DTX2: variants seen among roughly 807,000 people sequenced by gnomAD.
The protein encoded by DTX2 is deltex E3 ubiquitin ligase 2, also known as probable E3 ubiquitin-protein ligase DTX2.
DTX2 carries 29 observed loss-of-function variants against 55.3 expected under a neutral mutation model. That is an observed-to-expected ratio of 0.52 (90% confidence interval 0.39 to 0.71). DTX2 has a LOEUF of 0.71. Among genes scored for constraint, DTX2 ranks in the 30% least tolerant of loss-of-function variants. The probability of loss-of-function intolerance (pLI) is 0.00; values close to 1 mark genes in which losing one functional copy is unlikely to be tolerated. For synonymous variants in DTX2, 276 were observed against 340.4 expected (o/e 0.81, Z 2.08); for missense variants, 537 against 822.5 (o/e 0.65, Z 4.25).
At position 76,482,988 on chromosome 7, in the gene DTX2, C is replaced by A; in HGVS notation, c.749C>A (p.Pro250His). The A allele has an allele frequency of 6.2e-7, 1 of 1,613,624 alleles. No homozygotes were observed. Among genetic ancestry groups the A allele is most frequent in the Non-Finnish European group, 8.5e-7 (1 of 1,179,692 alleles). The change falls in exon 4 of 11, where the codon CCC (proline) becomes CAC (histidine). Residue 250 changes from proline to histidine, a missense_variant. By Grantham distance (77) the Pro-to-His change is moderately conservative (BLOSUM62 -2). This residue lies in a region of DTX2 where 301 missense variants were observed against 396.6 expected (regional missense o/e 0.76). Transcript: ENST00000430490. ...CAGGCCTTTGCACCGTACAACAAAC[C>A]CTCACTCTCCGGGGCCCGGTCTGCG... ...THQAFAPYNK[P>H]SLSGARSAPR...
At chr7:76,493,791 T>G in intron 5 of DTX2, among the ~76,000 whole-genome samples, 1 of 126,300 alleles carries the variant, frequency 7.9e-6, no homozygotes. Flanking sequence ...TTCAGAGGCA[T>G]GAGCCGTCAG....
chr7:76,484,274 G>C (rs1266988856), intron 4 of DTX2, among the ~76,000 whole-genome samples: 4 of 107,202 alleles, frequency 3.7e-5, no homozygotes, highest in Non-Finnish European at 5.7e-5. Flanking sequence ...AACCCAGGAG[G>C]TGGAGGTTGC....
chr7:76,480,751 G>A lies in DTX2; in HGVS notation c.242G>A (p.Ser81Asn), dbSNP rs1202831727. The A allele has an allele frequency of 1.2e-6, 2 of 1,609,402 alleles. No individual in the cohort carries two copies. Among genetic ancestry groups the A allele is most frequent in the East Asian group, 2.2e-5 (1 of 44,774 alleles). Reference sequence around the variant, plus strand: ...GCCCCTTACATTATTGACCTCCCCAGCTGGACCCAGTTCCGCCAGGACACC... The same window carrying A: ...GCCCCTTACATTATTGACCTCCCCAACTGGACCCAGTTCCGCCAGGACACC... The part of the protein sequence containing the change: ...SLAPYIIDLP[S>N]WTQFRQDTGT... The change falls in exon 3 of 11, where the codon AGC (serine) becomes AAC (asparagine). Residue 81 changes from serine to asparagine, a missense_variant. Coordinates refer to ENST00000430490, the MANE Select transcript of DTX2 (RefSeq NM_001102594.3).
chr7:76,480,996 T>C (rs555442385), intron 3 of DTX2, among the ~76,000 whole-genome samples: 1 of 152,286 alleles, frequency 6.6e-6, no homozygotes, highest in African/African-American at 2.4e-5. Context: ...CCCCTTGTCT[T>C]GCAAAGCAGA....
At position 76,505,785 on chromosome 7, in the gene DTX2, C is replaced by T. The variant is rs1242756180; in HGVS notation, c.*184C>T. The T allele has an allele frequency of 1.5e-6, 1 of 663,038 alleles. No homozygotes were observed. The highest frequency in any genetic ancestry group is 2.6e-6 in the Non-Finnish European group (1 of 387,276). 41.1% of individuals were successfully genotyped at this position (663,038 alleles called of 1,614,324 possible). A position where few individuals can be genotyped will look rare whatever the true frequency, so the allele number is the denominator to read the frequency against. On this transcript the variant is annotated 3_prime_UTR_variant, in exon 11 of 11. Coordinates refer to ENST00000430490, the MANE Select transcript of DTX2 (RefSeq NM_001102594.3). This position sits in a 1 kb window ranked among gnomAD's most constrained non-coding sequence, Gnocchi z 4.4. ...CTCCTCCTCCCCTCTGGGAATTGGG[C>T]AGCCCTGGGCAGTTGTACTCATGGG...
At chr7:76,473,194 T>A (rs1361916663) in intron 2 of DTX2, among the ~76,000 whole-genome samples, 2 of 151,934 alleles carry the variant, frequency 1.3e-5, no homozygotes, top group Non-Finnish European at 2.9e-5. Flanking sequence ...CTTTGATATG[T>A]TTGTGTCAGG....
At chr7:76,483,220 T>G (rs1809522044) in intron 4 of DTX2, 73 bp downstream of exon 4, 1 of 1,530,970 alleles carries the variant, frequency 6.5e-7, no homozygotes. Context: ...TCACCCCAAT[T>G]CCTGCAGATG....
chr7:76,480,189 C>T (rs1464967083), intron 2 of DTX2, among the ~76,000 whole-genome samples: 2 of 144,970 alleles, frequency 1.4e-5, no homozygotes, highest in African/African-American at 5.3e-5. Context: ...CCTATTGTCC[C>T]AGCTGCTCTG....
At chr7:76,497,789 G>A (rs927749049) in intron 6 of DTX2, among the ~76,000 whole-genome samples, 2 of 150,588 alleles carry the variant, frequency 1.3e-5, no homozygotes, top group Admixed American at 6.6e-5. Flanking sequence ...CTCAGGATGC[G>A]GGGACAACCG....
chr7:76,476,773 GGC>G (rs1808590447), intron 2 of DTX2, among the ~76,000 whole-genome samples: 1 of 151,586 alleles, frequency 6.6e-6, no homozygotes, highest in Admixed American at 6.6e-5. Context: ...AAAGGTGGCG[GGC>G]TTGGTGTGAG....
chr7:76,502,365 C>T lies in DTX2; in HGVS notation c.1298C>T (p.Ala433Val). 6.2e-7 allele frequency: 1 copy of T among 1,612,380 alleles called. No individual in the cohort carries two copies. The highest frequency in any genetic ancestry group is 8.5e-7 in the Non-Finnish European group (1 of 1,179,810). Residue 433 changes from alanine to valine, a missense_variant, in exon 8 of 11, where the codon GCA (alanine) becomes GTA (valine). By Grantham distance (64) the Ala-to-Val change is moderately conservative. Transcript: ENST00000430490. ...TACAGCGATGTGACTGACAGCAAGGCAATCGGGTCCCTAGCTGTGGGCCAC... is the reference window on the plus strand; with the variant it reads ...TACAGCGATGTGACTGACAGCAAGGTAATCGGGTCCCTAGCTGTGGGCCAC... ...SGYSDVTDSK[A>V]IGSLAVGHLT...
At chr7:76,476,410 A>G (rs991327845) in intron 2 of DTX2, among the ~76,000 whole-genome samples, 1 of 150,738 alleles carries the variant, frequency 6.6e-6, no homozygotes, top group Non-Finnish European at 1.5e-5. Flanking sequence ...CCTGGAGCAG[A>G]AGGCTCACCC....
At chr7:76,478,414 A>ATT (rs559041165) in intron 2 of DTX2, among the ~76,000 whole-genome samples, 2 of 120,400 alleles carry the variant, frequency 1.7e-5, no homozygotes, top group African/African-American at 3.6e-5. Context: ...ATCAGCTCTG[A>ATT]TTTTTTTTTT....
chr7:76,480,648 G>A lies in DTX2; in HGVS notation c.139G>A (p.Val47Ile). ...TVCSFIEQQFVQQKGQRFGLG... is the reference protein window; with the variant it reads ...TVCSFIEQQFIQQKGQRFGLG... ...CTGCAGCTTCATCGAGCAGCAGTTT[G>A]TCCAGCAGAAGGGCCAACGTTTTGG... The change falls in exon 3 of 11, where the codon GTC (valine) becomes ATC (isoleucine). Residue 47 changes from valine to isoleucine, a missense_variant. Transcript: ENST00000430490. 1 of 1,613,686 alleles carries A rather than the reference G, an allele frequency of 6.2e-7. No homozygotes were observed. Among genetic ancestry groups the A allele is most frequent in the Non-Finnish European group, 8.5e-7 (1 of 1,179,900 alleles).
chr7:76,477,105 T>A (rs1230984751), intron 2 of DTX2: 2 of 146,130 alleles, frequency 1.4e-5, no homozygotes, highest in African/African-American at 5.2e-5. Context: ...TACCTCATTG[T>A]GGTTACAGAA....
chr7:76,495,847 C>G (rs2116525446), intron 5 of DTX2, among the ~76,000 whole-genome samples: 1 of 146,772 alleles, frequency 6.8e-6, no homozygotes, highest in South Asian at 2.2e-4. Flanking sequence ...CCCGCTGAGG[C>G]AGTGTTGCCG....
intron 2 of DTX2, among the ~76,000 whole-genome samples, chr7:76,466,899 ATTTC>A (rs1008568017): frequency 1.8e-4 from 27 of 150,364 alleles, no homozygotes; most frequent in African/African-American, 6.6e-4. Context: ...CGCCTGGCCT[ATTTC>A]TTTCTTTTTT....
At chr7:76,483,729 C>T (rs1234035211) in intron 4 of DTX2, among the ~76,000 whole-genome samples, 1 of 151,064 alleles carries the variant, frequency 6.6e-6, no homozygotes, top group African/African-American at 2.4e-5. Flanking sequence ...ATACCACGGG[C>T]CCAGTGCAGA....
chr7:76,471,572 A>C lies in DTX2; in HGVS notation c.-90+7863A>C, dbSNP rs546097609. ...GAGACAGGGTCTCGCTCTGTTGCCCAGGTTGGAGTGTAGTGGCACGATCAT... is the reference window on the plus strand; with the variant it reads ...GAGACAGGGTCTCGCTCTGTTGCCCCGGTTGGAGTGTAGTGGCACGATCAT... On this transcript the variant is annotated intron_variant, in intron 2 of 10. Coordinates refer to ENST00000430490, the MANE Select transcript of DTX2 (RefSeq NM_001102594.3). Among the ~76,000 whole-genome samples, 110 of 150,734 alleles carry C rather than the reference A, an allele frequency of 7.3e-4. 1 individual carries two copies. The highest frequency in any genetic ancestry group is 2.6e-3 in the African/African-American group (105 of 40,268).
Sources: allele counts gnomAD v4.1 joint callset (sites outside exome capture counted in the v4.1 genomes callset), GRCh38; gene constraint gnomAD v4.1.1; regional missense constraint gnomAD v4.1.1; non-coding constraint Gnocchi (gnomAD v3.1); transcripts MANE v1.5; gene names NCBI Gene and HGNC (gene_info 2026-07-23, HGNC 2026-07-21).